The following WDR5 variants were observed in gnomAD, a reference collection of about 807,000 sequenced individuals.
WDR5 encodes the protein WD repeat-containing protein 5.
For missense variants in WDR5, 187 were observed against 416.9 expected (o/e 0.45, Z 4.80); for synonymous variants, 144 against 161.6 (o/e 0.89, Z 0.83).
At chr9:134,156,672 G>A (rs893946643) in intron 13 of WDR5, 79 bp downstream of exon 13, 34 of 1,443,614 alleles carry the variant, frequency 2.4e-5, no homozygotes, top group African/African-American at 1.7e-4. Flanking sequence ...TGGTGTGCCC[G>A]TAGGGTGCCG....
upstream of WDR5, chr9:134,136,068 C>A (rs1831526649): frequency 6.7e-6 from 1 of 148,888 alleles, no homozygotes; most frequent in Admixed American, 6.6e-5. Flanking sequence ...CCTCCCCTCG[C>A]GCACGCGCAC....
chr9:134,136,955 C>T (rs1421384138), intron 1 of WDR5, among the ~76,000 whole-genome samples: 1 of 152,210 alleles, frequency 6.6e-6, no homozygotes, highest in Non-Finnish European at 1.5e-5. Flanking sequence ...GACAGGAAAG[C>T]GAAGGACCCA....
intron 10 of WDR5, among the ~76,000 whole-genome samples, chr9:134,154,767 C>A (rs1396677789): frequency 6.6e-6 from 1 of 152,202 alleles, no homozygotes; most frequent in Non-Finnish European, 1.5e-5. Flanking sequence ...GATTTAGGGT[C>A]CGTTTTCTGG....
At chr9:134,143,806 C>T (rs988807703) in intron 7 of WDR5, among the ~76,000 whole-genome samples, 26 of 150,058 alleles carry the variant, frequency 1.7e-4, no homozygotes, top group Non-Finnish European at 2.2e-4. Context: ...TGAGTCACTG[C>T]GCCCGGCCAA....
chr9:134,154,644 C>G lies in WDR5; in HGVS notation c.707+103C>G, dbSNP rs1434877357. On this transcript the variant is annotated intron_variant, in intron 10 of 13. Transcript: ENST00000358625. Reference sequence around the variant, plus strand: ...TGGAGAGCGTGTTGTGGGCTTGGCACGGGATCCAGGCTCCTGGTGGAGCTT... The same window carrying G: ...TGGAGAGCGTGTTGTGGGCTTGGCAGGGGATCCAGGCTCCTGGTGGAGCTT... The G allele has an allele frequency of 1.1e-5, 15 of 1,338,034 alleles. No individual in the cohort carries two copies. In the East Asian group the frequency reaches 2.3e-4, roughly 21 times the overall value. 82.9% of individuals were successfully genotyped at this position (1,338,034 alleles called of 1,614,324 possible).
rs1378117657 is a variant in WDR5, at chr9:134,158,141, G to A, written c.*148G>A. The A allele has an allele frequency of 1.2e-5, 8 of 681,976 alleles. No homozygotes were observed. Among genetic ancestry groups the A allele is most frequent in the African/African-American group, 1.1e-4 (6 of 55,580 alleles). 42.2% of individuals were successfully genotyped at this position (681,976 alleles called of 1,614,324 possible). ...CCTCCTCTCTGAAGATGATTTGGCC[G>A]AGCGGAAGGTGTGGACCACCGGAAA... On this transcript the variant is annotated 3_prime_UTR_variant, in exon 14 of 14. Coordinates refer to ENST00000358625, the MANE Select transcript of WDR5 (RefSeq NM_017588.3).
intron 2 of WDR5, among the ~76,000 whole-genome samples, chr9:134,140,245 T>C (rs28585632): frequency 0.02 from 3,040 of 152,276 alleles, 46 homozygotes; most frequent in Middle Eastern, 0.031. Context: ...GCCCCCACCC[T>C]GGCTGCGATC....
In WDR5 at chr9:134,148,276, C is replaced by T; in HGVS notation, c.529-12C>T. Reference sequence around the variant, plus strand: ...TAAGTTTTTGTCTCTTCTTCCTCTCCTTAATTCCTAGGTTCATTTTAATCG... The same window carrying T: ...TAAGTTTTTGTCTCTTCTTCCTCTCTTTAATTCCTAGGTTCATTTTAATCG... On this transcript the variant is annotated splice_polypyrimidine_tract_variant and intron_variant, in intron 7 of 13. Transcript: ENST00000358625. 6.4e-6 allele frequency: 10 copies of T among 1,557,690 alleles called. No homozygotes were observed. Among genetic ancestry groups the T allele is most frequent in the South Asian group, 1.1e-5 (1 of 90,204 alleles).
chr9:134,152,138 C>G, intron 9 of WDR5, 109 bp downstream of exon 9: 1 of 1,333,502 alleles, frequency 7.5e-7, no homozygotes, highest in Non-Finnish European at 1.0e-6. Context: ...CCTGGGTCCG[C>G]CCCTGCAGGA....
intron 8 of WDR5, among the ~76,000 whole-genome samples, chr9:134,148,855 A>G (rs776794213): frequency 9.9e-5 from 15 of 152,134 alleles, no homozygotes; most frequent in Non-Finnish European, 1.8e-4. Flanking sequence ...TAGTGCTTGG[A>G]CTTGGTAATC....
At chr9:134,146,321 G>A (rs1240452885) in intron 7 of WDR5, among the ~76,000 whole-genome samples, 2 of 150,870 alleles carry the variant, frequency 1.3e-5, no homozygotes, top group Non-Finnish European at 2.9e-5. Flanking sequence ...TGCAACCTCC[G>A]CCTCCTGGGT....
At chr9:134,150,488 A>G (rs377271880) in intron 8 of WDR5, among the ~76,000 whole-genome samples, 8 of 152,200 alleles carry the variant, frequency 5.3e-5, no homozygotes, top group African/African-American at 1.9e-4. Context: ...AACTCTTTCT[A>G]TGAAAATCAG....
intron 8 of WDR5, among the ~76,000 whole-genome samples, chr9:134,150,770 T>G (rs534858827): frequency 7.9e-5 from 12 of 152,284 alleles, no homozygotes; most frequent in African/African-American, 2.9e-4. Flanking sequence ...AGAACCCGTG[T>G]CAGCTCTGGA....
intron 9 of WDR5, among the ~76,000 whole-genome samples, chr9:134,152,997 C>T (rs1832570339): frequency 6.6e-6 from 1 of 152,234 alleles, no homozygotes; most frequent in Non-Finnish European, 1.5e-5. Flanking sequence ...GGCCCTGTCT[C>T]CAGTACACTC....
rs1241461285 is a variant in WDR5, at chr9:134,139,969, A to AG, written c.81+15dup. 4 of 1,613,518 alleles carry AG rather than the reference A, an allele frequency of 2.5e-6. No individual in the cohort carries two copies. In the Admixed American group the frequency reaches 6.7e-5, roughly 27 times the overall value. ...GCCACTCAGAGCAAGGTGCGTGCCCAGGGGCCCCTTGGACACCTTCCGGGG... is the reference window on the plus strand; with the variant it reads ...GCCACTCAGAGCAAGGTGCGTGCCCAGGGGGCCCCTTGGACACCTTCCGGGG... On this transcript the variant is annotated intron_variant, in intron 2 of 13. Coordinates refer to ENST00000358625, the MANE Select transcript of WDR5 (RefSeq NM_017588.3).
intron 7 of WDR5, among the ~76,000 whole-genome samples, chr9:134,144,076 C>A (rs1185685814): frequency 2.0e-5 from 3 of 152,232 alleles, no homozygotes; most frequent in African/African-American, 7.2e-5. Context: ...GCATTTTTAC[C>A]CTTGGAAGGC....
At chr9:134,140,954 C>T (rs1434004081) in intron 3 of WDR5, 143 bp downstream of exon 3, 1 of 757,622 alleles carries the variant, frequency 1.3e-6, no homozygotes, top group Non-Finnish European at 2.2e-6. Context: ...GCGGGTGTGT[C>T]TCCTCCTGGA....
chr9:134,149,708 T>C (rs1564194056), intron 8 of WDR5, among the ~76,000 whole-genome samples: 1 of 152,188 alleles, frequency 6.6e-6, no homozygotes, highest in Non-Finnish European at 1.5e-5. Flanking sequence ...AATGAGAACA[T>C]AGATGATATA....
intron 8 of WDR5, among the ~76,000 whole-genome samples, 198 bp downstream of exon 8, chr9:134,148,541 C>T (rs545945136): frequency 1.6e-4 from 24 of 151,630 alleles, no homozygotes; most frequent in Admixed American, 1.1e-3. Context: ...GGTGGTGGGG[C>T]GGCATGCCTG....
Sources: gnomAD v4.1 joint callset for allele counts (sites outside exome capture counted in the v4.1 genomes callset) on GRCh38, gnomAD v4.1.1 for gene constraint, MANE v1.5 for transcripts, NCBI Gene and HGNC (gene_info 2026-07-23, HGNC 2026-07-21) for gene names.